Variants in STON2 observed in about 807,000 individuals in gnomAD.
STON2 encodes stonin-2.
STON2 carries 29 observed loss-of-function variants against 65.7 expected under a neutral mutation model. The ratio of observed to expected loss-of-function variants is 0.44; its 90% CI spans 0.33 to 0.60. The LOEUF (loss-of-function observed/expected upper bound fraction) is 0.60, where lower values mean the gene tolerates loss of function less well. Among genes scored for constraint, STON2 ranks in the 20% least tolerant of loss-of-function variants. The pLI is 0.03. For synonymous variants in STON2, 404 were observed against 414.2 expected (o/e 0.98, Z 0.30); for missense variants, 1,054 against 1,118.1 (o/e 0.94, Z 0.82).
intron 4 of STON2, among the ~76,000 whole-genome samples, chr14:81,368,676 C>T (rs532324764): frequency 3.9e-5 from 6 of 152,224 alleles, no homozygotes; most frequent in African/African-American, 7.2e-5. Flanking sequence ...ATTGCACCAT[C>T]GCACTCCATC....
intron 3 of STON2, among the ~76,000 whole-genome samples, chr14:81,373,177 C>A (rs886681667): frequency 6.6e-6 from 1 of 152,112 alleles, no homozygotes; most frequent in Non-Finnish European, 1.5e-5. Context: ...TACCCCCATT[C>A]CTGGAATAGT....
intron 1 of STON2, chr14:81,427,231 A>G (rs1475239392): frequency 6.6e-6 from 1 of 152,244 alleles, no homozygotes; most frequent in Non-Finnish European, 1.5e-5. Context: ...AGAAACATAC[A>G]TGCATAAATG....
chr14:81,375,251 A>C (rs1041005506), intron 3 of STON2, among the ~76,000 whole-genome samples: 4 of 152,146 alleles, frequency 2.6e-5, no homozygotes, highest in African/African-American at 9.6e-5. Context: ...GTACTTAAAA[A>C]TAAACATAAA....
intron 4 of STON2, among the ~76,000 whole-genome samples, chr14:81,331,183 C>A (rs955849117): frequency 6.6e-6 from 1 of 152,174 alleles, no homozygotes; most frequent in East Asian, 1.9e-4. Flanking sequence ...AGATAAAAAA[C>A]CAGCCTTTCT....
chr14:81,380,028 C>T (rs1566935285), intron 3 of STON2, among the ~76,000 whole-genome samples: 1 of 152,092 alleles, frequency 6.6e-6, no homozygotes, highest in Non-Finnish European at 1.5e-5. Flanking sequence ...TTCTGCACAA[C>T]AAAAGAAACT....
At chr14:81,302,724 G>A (rs368600031) in intron 5 of STON2, among the ~76,000 whole-genome samples, 8 of 152,194 alleles carry the variant, frequency 5.3e-5, no homozygotes, top group African/African-American at 7.2e-5. Flanking sequence ...AAGAGACAGC[G>A]GACTTGTGCT....
rs1341367194 is a variant in STON2 at position 81,264,731 on chromosome 14, G to C, written c.*3683C>G. 5.1e-6 allele frequency: 5 copies of C among 985,240 alleles called. No individual in the cohort carries two copies. Among genetic ancestry groups the C allele is most frequent in the Non-Finnish European group, 6.0e-6 (5 of 829,914 alleles). The allele number at this position is 985,240 out of a possible 1,614,324, so 61.0% of individuals were successfully genotyped here. Reference sequence around the variant, plus strand: ...AATAATGCAGGAAGGCACAGTAAGGGAAGAGCCAAATAGAAAAAATGAAAC... The same window carrying C: ...AATAATGCAGGAAGGCACAGTAAGGCAAGAGCCAAATAGAAAAAATGAAAC... On this transcript the variant is annotated 3_prime_UTR_variant, in exon 8 of 8. Coordinates refer to ENST00000614646, the MANE Select transcript of STON2 (RefSeq NM_001394390.1).
At chr14:81,356,493 G>C (rs1262112624) in intron 4 of STON2, among the ~76,000 whole-genome samples, 2 of 151,954 alleles carry the variant, frequency 1.3e-5, no homozygotes, top group African/African-American at 2.4e-5. Context: ...TCTCTGCCAG[G>C]CTTTGGTATC....
chr14:81,339,881 G>A (rs535984859), intron 4 of STON2, among the ~76,000 whole-genome samples: 12 of 152,344 alleles, frequency 7.9e-5, no homozygotes, highest in African/African-American at 2.4e-4. Flanking sequence ...AACGCTGGGC[G>A]TGGTGGCTCA....
At position 81,270,471 on chromosome 14, in the gene STON2, C is replaced by A. The variant is rs112410875; in HGVS notation, c.2784+199G>T. ...GATGAGCCTCTTTATTTTTTTCCAA[C>A]CTTTCTCTCATCCACTAGCCAGATT... On this transcript the variant is annotated intron_variant, in intron 7 of 7. Transcript: ENST00000614646. 4.3e-3 allele frequency: 6,341 copies of A among 1,487,852 alleles called. 246 individuals are homozygous for A. The African/African-American group carries it at 0.08, about 19-fold the overall frequency. 92.2% of individuals were successfully genotyped at this position (1,487,852 alleles called of 1,614,324 possible). A position where few individuals can be genotyped will look rare whatever the true frequency, so the allele number is the denominator to read the frequency against.
chr14:81,285,230 C>A (rs546389242), intron 5 of STON2, among the ~76,000 whole-genome samples: 1 of 152,232 alleles, frequency 6.6e-6, no homozygotes, highest in Admixed American at 6.5e-5. Flanking sequence ...TGGATTGGGG[C>A]AAAGTAAACT....
chr14:81,394,249 AATT>A (rs1900212819), intron 3 of STON2, among the ~76,000 whole-genome samples: 2 of 152,216 alleles, frequency 1.3e-5, no homozygotes, highest in South Asian at 2.1e-4. Flanking sequence ...TAAATGTGCA[AATT>A]ATTATGTAAA....
At chr14:81,278,767 T>C in intron 5 of STON2, 28 bp from the exon 6 acceptor site, 1 of 1,495,088 alleles carries the variant, frequency 6.7e-7, no homozygotes, top group Non-Finnish European at 8.9e-7. Flanking sequence ...ACATATGAGC[T>C]ACTGTTCAGG....
Position 81,266,212 on chromosome 14 carries a change from G to A in STON2, c.*2202C>T. ...CCCTTTCACAGCACGTGGGATAGGT[G>A]GTTATTTTAACTGTTGGGCATTCAC... On this transcript the variant is annotated 3_prime_UTR_variant, in exon 8 of 8. Transcript: ENST00000614646. 1 of 579,784 alleles carries A rather than the reference G, an allele frequency of 1.7e-6. No individual in the cohort carries two copies. Among genetic ancestry groups the A allele is most frequent in the Admixed American group, 6.3e-5 (1 of 15,758 alleles). 35.9% of individuals were successfully genotyped at this position (579,784 alleles called of 1,614,324 possible).
intron 3 of STON2, among the ~76,000 whole-genome samples, chr14:81,375,213 G>GT (rs376537348): frequency 0.013 from 2,028 of 152,156 alleles, 51 homozygotes; most frequent in African/African-American, 0.046. Flanking sequence ...TAAAAGGAAT[G>GT]TAAGAGGTTA....
chr14:81,372,962 C>T (rs1899072440), intron 3 of STON2, among the ~76,000 whole-genome samples: 1 of 152,132 alleles, frequency 6.6e-6, no homozygotes, highest in Admixed American at 6.5e-5. Flanking sequence ...TTCTGGAGTT[C>T]TCATTGTTCA....
intron 2 of STON2, among the ~76,000 whole-genome samples, chr14:81,408,713 G>T (rs1348868309): frequency 6.6e-6 from 1 of 152,036 alleles, no homozygotes; most frequent in African/African-American, 2.4e-5. Context: ...CAATTCCATG[G>T]CCCCACATTC....
intron 3 of STON2, among the ~76,000 whole-genome samples, chr14:81,378,681 T>C (rs1381316368): frequency 6.6e-6 from 1 of 152,268 alleles, no homozygotes; most frequent in Non-Finnish European, 1.5e-5. Context: ...TTATAGCTAT[T>C]CTGTATACAA....
Position 81,267,791 on chromosome 14 carries a change from T to C in STON2, c.*623A>G. 1 of 985,424 alleles carries C rather than the reference T, an allele frequency of 1.0e-6. No homozygotes were observed. The highest frequency in any genetic ancestry group is 1.2e-6 in the Non-Finnish European group (1 of 829,938). The allele number at this position is 985,424 out of a possible 1,614,324, so 61.0% of individuals were successfully genotyped here. A position where few individuals can be genotyped will look rare whatever the true frequency, so the allele number is the denominator to read the frequency against. On this transcript the variant is annotated 3_prime_UTR_variant, in exon 8 of 8. Coordinates refer to ENST00000614646, the MANE Select transcript of STON2 (RefSeq NM_001394390.1). ...GACTCAGGATAGCAAATCCTGTGAC[T>C]GAAACCTTAGAGAGATGGAAAAAGT...
Sources: allele counts gnomAD v4.1 joint callset (sites outside exome capture counted in the v4.1 genomes callset), GRCh38; gene constraint gnomAD v4.1.1; transcripts MANE v1.5; gene names NCBI Gene and HGNC (gene_info 2026-07-23, HGNC 2026-07-21).